Variants in GNA14 observed in about 807,000 individuals in gnomAD.
The protein encoded by GNA14 is guanine nucleotide-binding protein subunit alpha-14.
A neutral mutation model predicts 42.0 loss-of-function variants in GNA14; 50 were observed. That is an observed-to-expected ratio of 1.19 (90% CI 0.95 to 1.51). GNA14 has a LOEUF of 1.51. GNA14 is among the 40% of genes most tolerant of loss of function. The probability of loss-of-function intolerance (pLI) is 0.00; values close to 1 mark genes in which losing one functional copy is unlikely to be tolerated. For synonymous variants in GNA14, 173 were observed against 163.1 expected (o/e 1.06, Z -0.46); for missense variants, 473 against 446.2 (o/e 1.06, Z -0.54).
In GNA14 at chr9:77,627,376, C is replaced by T. The variant is rs527889929; in HGVS notation, c.124+20294G>A. 1.1e-4 allele frequency among the ~76,000 whole-genome samples: 16 copies of T among 152,240 alleles called. 1 individual carries two copies. In the East Asian group the frequency reaches 2.9e-3, roughly 28 times the overall value. On this transcript the variant is annotated intron_variant, in intron 1 of 6. Transcript: ENST00000341700. The stretch of plus-strand genomic sequence containing the variant: ...GAAAAAGAGGGACTCTTCCCTACCT[C>T]GTTTTAGGTGGCCAGCATTATCCTG...
intron 2 of GNA14, among the ~76,000 whole-genome samples, chr9:77,452,327 T>C (rs1018462166): frequency 6.6e-6 from 1 of 152,158 alleles, no homozygotes; most frequent in Non-Finnish European, 1.5e-5. Context: ...CGCCTAACTC[T>C]TACCAAATTT....
chr9:77,439,757 C>G (rs1835700169), intron 2 of GNA14, among the ~76,000 whole-genome samples: 2 of 152,226 alleles, frequency 1.3e-5, no homozygotes, highest in Non-Finnish European at 2.9e-5. Flanking sequence ...CAAACAACCT[C>G]TATGGCACCT....
At chr9:77,533,846 C>G (rs1215939156) in intron 1 of GNA14, among the ~76,000 whole-genome samples, 1 of 152,186 alleles carries the variant, frequency 6.6e-6, no homozygotes, top group Non-Finnish European at 1.5e-5. Flanking sequence ...TTCTATAAAG[C>G]TCACCTCCAC....
Position 77,424,132 on chromosome 9 carries a change from G to A in GNA14, c.915C>T (p.Ile305=), listed in dbSNP as rs775748876. Reference sequence around the variant, plus strand: ...GATTCTGATCTTGGTAAAGCTTCAGGATAAAGTCTCTGGCAGCTCTGACAT... The same window carrying A: ...GATTCTGATCTTGGTAAAGCTTCAGAATAAAGTCTCTGGCAGCTCTGACAT... ...KQDVRAARDF[I]LKLYQDQNPD... is the part of the protein sequence containing the mutation. The change falls in exon 7 of 7, where the codon ATC becomes ATT. Residue 305 remains isoleucine, a synonymous_variant. Coordinates refer to ENST00000341700, the MANE Select transcript of GNA14 (RefSeq NM_004297.4). The A allele has an allele frequency of 6.2e-7, 1 of 1,612,574 alleles. No homozygotes were observed. Among genetic ancestry groups the A allele is most frequent in the Middle Eastern group, 1.7e-4 (1 of 6,058 alleles).
rs554764271 is a variant in GNA14, at chr9:77,550,105, G to C, written c.125-20852C>G. Among the ~76,000 whole-genome samples the C allele has an allele frequency of 1.8e-3, 270 of 152,272 alleles. 1 individual carries two copies. Among genetic ancestry groups the C allele is most frequent in the African/African-American group, 6.2e-3 (257 of 41,548 alleles). ...TGCACTGTGGGTGGGAGGGGGTAGAGAGAAGGGAACACCAGCCAGGGGTTT... is the reference window on the plus strand; with the variant it reads ...TGCACTGTGGGTGGGAGGGGGTAGACAGAAGGGAACACCAGCCAGGGGTTT... On this transcript the variant is annotated intron_variant, in intron 1 of 6. Coordinates refer to ENST00000341700, the MANE Select transcript of GNA14 (RefSeq NM_004297.4).
At chr9:77,470,652 G>A (rs1442470509) in intron 2 of GNA14, among the ~76,000 whole-genome samples, 1 of 152,200 alleles carries the variant, frequency 6.6e-6, no homozygotes, top group Non-Finnish European at 1.5e-5. Flanking sequence ...AGGTTTCAAA[G>A]AGAAGGTCAC....
At chr9:77,620,991 T>C (rs1823913152) in intron 1 of GNA14, among the ~76,000 whole-genome samples, 1 of 152,016 alleles carries the variant, frequency 6.6e-6, no homozygotes, top group Non-Finnish European at 1.5e-5. Context: ...TGGAGTACAG[T>C]GGCACGATCT....
chr9:77,647,667 C>A lies in GNA14; in HGVS notation c.124+3G>T. On this transcript the variant is annotated splice_donor_region_variant and intron_variant, in intron 1 of 6. Transcript: ENST00000341700. The stretch of plus-strand genomic sequence containing the variant: ...CACTGGAGTCGGAGACGCAGCCACT[C>A]ACCCAGCAGCAGCAGCTTAAGCTCA... 6.2e-7 allele frequency: 1 copy of A among 1,608,502 alleles called. No individual in the cohort carries two copies. Among genetic ancestry groups the A allele is most frequent in the Admixed American group, 1.7e-5 (1 of 59,370 alleles).
rs11531852 is a variant in GNA14 at position 77,627,662 on chromosome 9, T to C, written c.124+20008A>G. Among the ~76,000 whole-genome samples, 20 of 152,312 alleles carry C rather than the reference T, an allele frequency of 1.3e-4. No homozygotes were observed. In the East Asian group the frequency reaches 3.5e-3, roughly 26 times the overall value. Reference sequence around the variant, plus strand: ...CAAAAACCACGATTATCTCAATAGATGCAGAAAAGGCCTTCAATAAAACTC... The same window carrying C: ...CAAAAACCACGATTATCTCAATAGACGCAGAAAAGGCCTTCAATAAAACTC... On this transcript the variant is annotated intron_variant, in intron 1 of 6. Transcript: ENST00000341700.
chr9:77,499,720 C>T (rs1016605327), intron 2 of GNA14, among the ~76,000 whole-genome samples: 21 of 151,982 alleles, frequency 1.4e-4, no homozygotes, highest in African/African-American at 4.1e-4. Context: ...CATGGTGGCG[C>T]GCTCCTGTAG....
At chr9:77,508,099 T>G (rs1360194952) in intron 2 of GNA14, among the ~76,000 whole-genome samples, 2 of 152,204 alleles carry the variant, frequency 1.3e-5, no homozygotes, top group African/African-American at 4.8e-5. Context: ...TCCGCTTCCC[T>G]GCTCTCTCTC....
chr9:77,556,360 G>A (rs530868788), intron 1 of GNA14, among the ~76,000 whole-genome samples: 131 of 152,114 alleles, frequency 8.6e-4, no homozygotes, highest in Non-Finnish European at 1.6e-3. Context: ...CTAATGGGGT[G>A]GGGGCAGAGA....
chr9:77,547,566 GT>G, intron 1 of GNA14, among the ~76,000 whole-genome samples: 1 of 152,270 alleles, frequency 6.6e-6, no homozygotes, highest in Admixed American at 6.5e-5. Context: ...GTGTCCTGTG[GT>G]TTTTTCATTA....
chr9:77,489,132 T>C (rs1413263986), intron 2 of GNA14, among the ~76,000 whole-genome samples: 1 of 151,840 alleles, frequency 6.6e-6, no homozygotes, highest in Non-Finnish European at 1.5e-5. Flanking sequence ...TCTGCAGAAC[T>C]GAAAGACTCA....
At chr9:77,603,780 A>G (rs1209394950) in intron 1 of GNA14, among the ~76,000 whole-genome samples, 2 of 151,912 alleles carry the variant, frequency 1.3e-5, no homozygotes, top group East Asian at 3.9e-4. Context: ...CCTGGCTAAC[A>G]TGGTGAAACC....
chr9:77,452,599 GTGTATGTGTA>G (rs1835926879), intron 2 of GNA14, among the ~76,000 whole-genome samples: 1 of 458 alleles, frequency 2.2e-3, no homozygotes, highest in Non-Finnish European at 3.3e-3. Flanking sequence ...TGTGTGTGGT[GTGTATGTGTA>G]TGTGTGTGTA....
chr9:77,536,277 T>G (rs1225981096), intron 1 of GNA14, among the ~76,000 whole-genome samples: 1 of 152,094 alleles, frequency 6.6e-6, no homozygotes, highest in Non-Finnish European at 1.5e-5. Flanking sequence ...CAATACACAG[T>G]TTAAGATTAA....
At chr9:77,571,600 A>C (rs957025121) in intron 1 of GNA14, among the ~76,000 whole-genome samples, 1 of 152,142 alleles carries the variant, frequency 6.6e-6, no homozygotes, top group Non-Finnish European at 1.5e-5. Flanking sequence ...CAGGAGTTCA[A>C]GACCAGCCTG....
intron 2 of GNA14, among the ~76,000 whole-genome samples, chr9:77,466,674 G>A (rs147237086): frequency 6.6e-5 from 10 of 152,178 alleles, no homozygotes; most frequent in African/African-American, 2.4e-4. Context: ...TTTGTTATTT[G>A]TTTGCATGAC....
Sources: gnomAD v4.1 joint callset for allele counts (sites outside exome capture counted in the v4.1 genomes callset) on GRCh38, gnomAD v4.1.1 for gene constraint, MANE v1.5 for transcripts, NCBI Gene and HGNC (gene_info 2026-07-23, HGNC 2026-07-21) for gene names.